PDE1C: variants seen among roughly 807,000 people sequenced by gnomAD.
The protein encoded by PDE1C is dual specificity calcium/calmodulin-dependent 3',5'-cyclic nucleotide phosphodiesterase 1C.
Under a neutral mutation model 93.1 loss-of-function variants are expected in PDE1C, and 62 were observed. The ratio of observed to expected loss-of-function variants is 0.67; its 90% CI spans 0.54 to 0.82. The LOEUF (loss-of-function observed/expected upper bound fraction) is 0.82, where lower values mean the gene tolerates loss of function less well. PDE1C is among the 40% of genes least tolerant of loss of function. The probability of loss-of-function intolerance (pLI) is 0.00; values close to 1 mark genes in which losing one functional copy is unlikely to be tolerated. For synonymous variants in PDE1C, 325 were observed against 310.1 expected (o/e 1.05, Z -0.50); for missense variants, 742 against 884.6 (o/e 0.84, Z 2.04).
intron 1 of PDE1C, among the ~76,000 whole-genome samples, chr7:32,269,654 A>C (rs1810835943): frequency 6.6e-6 from 1 of 151,856 alleles, no homozygotes; most frequent in Non-Finnish European, 1.5e-5. Flanking sequence ...TAATTTTTGT[A>C]TTTTTAGTAG....
chr7:31,943,240 T>A (rs1286848891), intron 2 of PDE1C, among the ~76,000 whole-genome samples: 2 of 152,108 alleles, frequency 1.3e-5, no homozygotes, highest in Non-Finnish European at 2.9e-5. Context: ...TGTAAGGTGA[T>A]AATTAAGAGC....
chr7:31,620,013 G>C, the PDE1C span, among the ~76,000 whole-genome samples: 1 of 152,188 alleles, frequency 6.6e-6, no homozygotes, highest in Non-Finnish European at 1.5e-5. Context: ...TGCTAGCACA[G>C]CAGTCTGAGA....
intron 2 of PDE1C, among the ~76,000 whole-genome samples, chr7:32,025,096 G>A (rs906268531): frequency 6.6e-6 from 1 of 152,054 alleles, no homozygotes; most frequent in Non-Finnish European, 1.5e-5. Flanking sequence ...CCTTCATGCC[G>A]ACCCCCAGGG....
At chr7:31,638,678 C>A in the PDE1C span, among the ~76,000 whole-genome samples, 3 of 152,090 alleles carry the variant, frequency 2.0e-5, no homozygotes, top group Non-Finnish European at 4.4e-5. Context: ...CCATCCTTAT[C>A]TTTGTTAACT....
At chr7:31,686,826 G>A in the PDE1C span, 1 of 152,186 alleles carries the variant, frequency 6.6e-6, no homozygotes, top group African/African-American at 2.4e-5. Flanking sequence ...ACTTTGAGAA[G>A]CAGCAATAGT....
chr7:31,909,936 C>T (rs1227632176), intron 2 of PDE1C, among the ~76,000 whole-genome samples: 1 of 152,142 alleles, frequency 6.6e-6, no homozygotes, highest in Non-Finnish European at 1.5e-5. Context: ...GCATGTTTAA[C>T]AATATCCCTG....
the PDE1C span, among the ~76,000 whole-genome samples, chr7:31,697,670 G>T: frequency 6.6e-6 from 1 of 152,176 alleles, no homozygotes; most frequent in Non-Finnish European, 1.5e-5. Context: ...AATAAGACAC[G>T]TATATTCATG....
At chr7:31,620,210 C>T in the PDE1C span, among the ~76,000 whole-genome samples, 1 of 152,148 alleles carries the variant, frequency 6.6e-6, no homozygotes, top group East Asian at 1.9e-4. Flanking sequence ...CAGCAGTAAC[C>T]TCTTCAGACT....
intron 3 of PDE1C, among the ~76,000 whole-genome samples, chr7:32,121,960 T>C (rs1161773360): frequency 2.0e-5 from 3 of 152,186 alleles, no homozygotes; most frequent in Admixed American, 2.0e-4. Flanking sequence ...ATTGGTGTGC[T>C]ATATTCAAGA....
chr7:32,077,269 G>C (rs560224507), intron 3 of PDE1C, among the ~76,000 whole-genome samples: 3 of 152,036 alleles, frequency 2.0e-5, no homozygotes, highest in Non-Finnish European at 4.4e-5. Flanking sequence ...AAAAAATCAC[G>C]TATGGCCAGT....
intron 1 of PDE1C, among the ~76,000 whole-genome samples, chr7:32,060,908 G>T (rs1794727258): frequency 6.6e-6 from 1 of 152,130 alleles, no homozygotes; most frequent in Non-Finnish European, 1.5e-5. Context: ...CACCCACATG[G>T]AATGGTATAC....
At chr7:31,948,698 G>T (rs1584133931) in intron 2 of PDE1C, among the ~76,000 whole-genome samples, 3 of 151,918 alleles carry the variant, frequency 2.0e-5, no homozygotes, top group Non-Finnish European at 4.4e-5. Context: ...AAGATTTTTG[G>T]TGTTGGTTTT....
At chr7:31,716,668 C>T in the PDE1C span, among the ~76,000 whole-genome samples, 11 of 152,252 alleles carry the variant, frequency 7.2e-5, no homozygotes, top group South Asian at 1.7e-3. Flanking sequence ...CAGCAAACCA[C>T]GTAGTTATAT....
intron 2 of PDE1C, among the ~76,000 whole-genome samples, chr7:31,979,262 T>C (rs1812070051): frequency 6.6e-6 from 1 of 152,162 alleles, no homozygotes; most frequent in Non-Finnish European, 1.5e-5. Context: ...AGACACAAGT[T>C]CTTATCTTGG....
At chr7:31,813,646 GTTT>G (rs1787837625) in intron 15 of PDE1C, among the ~76,000 whole-genome samples, 1 of 152,040 alleles carries the variant, frequency 6.6e-6, no homozygotes, top group African/African-American at 2.4e-5. Flanking sequence ...ATGAACATAT[GTTT>G]TTATTTTTTT....
At chr7:31,677,675 A>T in the PDE1C span, among the ~76,000 whole-genome samples, 2 of 152,218 alleles carry the variant, frequency 1.3e-5, no homozygotes, top group Non-Finnish European at 2.9e-5. Context: ...TAGTGAATGT[A>T]GTACCTTATG....
In PDE1C at chr7:32,202,374, C is replaced by T. The variant is rs1168601605; in HGVS notation, c.136+7115G>A. Among the ~76,000 whole-genome samples, 6 of 152,222 alleles carry T rather than the reference C, an allele frequency of 3.9e-5. No homozygotes were observed. In the South Asian group the frequency reaches 1.0e-3, roughly 26 times the overall value. ...ATCACTCTGACCACAACCACCAATGCTTTCCAGGACACAGTGAATATTCCT... is the reference window on the plus strand; with the variant it reads ...ATCACTCTGACCACAACCACCAATGTTTTCCAGGACACAGTGAATATTCCT... On this transcript the variant is annotated intron_variant, in intron 2 of 18. Transcript: ENST00000396193.
At position 31,799,681 on chromosome 7, in the gene PDE1C, T is replaced by C. The variant is rs745999242; in HGVS notation, c.1891+9350A>G. Among the ~76,000 whole-genome samples, 32 of 151,868 alleles carry C rather than the reference T, an allele frequency of 2.1e-4. No homozygotes were observed. The Middle Eastern group carries it at 0.01, about 48-fold the overall frequency. On this transcript the variant is annotated intron_variant, in intron 16 of 17. Coordinates refer to ENST00000396191, the MANE Select transcript of PDE1C (RefSeq NM_001191057.4). ...TGTGAAGAATTATATAATGTAGATA[T>C]GATTAGAGGCAAATTCCTATAATGT...
At chr7:31,656,051 G>C in the PDE1C span, 1 of 975,596 alleles carries the variant, frequency 1.0e-6, no homozygotes, top group Non-Finnish European at 1.2e-6. Context: ...TCCTAGGGCA[G>C]ACCCCATCTC....
Sources: gnomAD v4.1 joint callset for allele counts (sites outside exome capture counted in the v4.1 genomes callset) on GRCh38, gnomAD v4.1.1 for gene constraint, MANE v1.5 for transcripts, NCBI Gene and HGNC (gene_info 2026-07-23, HGNC 2026-07-21) for gene names.